Variants in FSTL4 observed in about 807,000 individuals in gnomAD.
FSTL4 encodes the protein follistatin-related protein 4.
FSTL4 carries 28 observed loss-of-function variants against 78.2 expected under a neutral mutation model. The observed-to-expected ratio is 0.36, with a 90% CI of 0.27 to 0.49. The LOEUF (loss-of-function observed/expected upper bound fraction) is 0.49. Ranked by LOEUF, FSTL4 falls within the 20% of genes least tolerant of loss-of-function variation. The pLI is 0.98. For synonymous variants in FSTL4, 422 were observed against 440.5 expected (o/e 0.96, Z 0.53); for missense variants, 922 against 1,084.9 (o/e 0.85, Z 2.11).
chr5:133,653,960 C>G, the FSTL4 span, among the ~76,000 whole-genome samples: 1 of 152,232 alleles, frequency 6.6e-6, no homozygotes. Flanking sequence ...TTCCTTCGTT[C>G]ATTTGCTCAT....
chr5:133,571,428 T>C (rs1190500069), intron 2 of FSTL4, among the ~76,000 whole-genome samples: 1 of 152,106 alleles, frequency 6.6e-6, no homozygotes, highest in Non-Finnish European at 1.5e-5. Context: ...ATGGCTAAAA[T>C]CCAAGAAAAC....
chr5:133,645,640 C>G, the FSTL4 span, among the ~76,000 whole-genome samples: 1 of 152,038 alleles, frequency 6.6e-6, no homozygotes, highest in Non-Finnish European at 1.5e-5. Context: ...ATGTGATTAA[C>G]GAGTTGGAGA....
At chr5:133,768,206 T>A in the FSTL4 span, among the ~76,000 whole-genome samples, 1 of 152,030 alleles carries the variant, frequency 6.6e-6, no homozygotes, top group African/African-American at 2.4e-5. Flanking sequence ...GAGCAGGGAG[T>A]GTACCCGGAG....
intron 3 of FSTL4, among the ~76,000 whole-genome samples, chr5:133,429,265 C>T (rs72787310): frequency 0.1 from 15,758 of 152,148 alleles, 1,026 homozygotes; most frequent in Non-Finnish European, 0.14. Flanking sequence ...CTGAGGATGA[C>T]GATGGCAATG....
intron 4 of FSTL4, among the ~76,000 whole-genome samples, chr5:133,398,165 G>A (rs745786303): frequency 2.2e-4 from 34 of 152,166 alleles, no homozygotes; most frequent in Non-Finnish European, 3.8e-4. Flanking sequence ...TCACCTCAGG[G>A]CTGGCCTGCC....
chr5:133,205,250 T>C (rs987124778), intron 14 of FSTL4, among the ~76,000 whole-genome samples: 4 of 152,208 alleles, frequency 2.6e-5, no homozygotes, highest in Non-Finnish European at 5.9e-5. Context: ...ACGTCCTACA[T>C]GTTTTCTCTT....
At chr5:133,241,134 A>G (rs73788011) in intron 7 of FSTL4, among the ~76,000 whole-genome samples, 1 of 152,186 alleles carries the variant, frequency 6.6e-6, no homozygotes, top group Middle Eastern at 3.2e-3. Context: ...GAGAACAGAG[A>G]TTCCACGTTT....
At chr5:133,308,803 G>T (rs866626350) in intron 6 of FSTL4, among the ~76,000 whole-genome samples, 1 of 152,128 alleles carries the variant, frequency 6.6e-6, no homozygotes. Context: ...GTGAGGAAGG[G>T]TGTCTGGCTC....
chr5:133,431,897 G>A (rs903524960), intron 3 of FSTL4, among the ~76,000 whole-genome samples: 1 of 151,998 alleles, frequency 6.6e-6, no homozygotes, highest in Non-Finnish European at 1.5e-5. Context: ...TTACAATAGT[G>A]ATACTAGCAT....
At chr5:133,628,342 G>GTTTCT in the FSTL4 span, among the ~76,000 whole-genome samples, 1,819 of 149,338 alleles carry the variant, frequency 0.012, 27 homozygotes, top group African/African-American at 0.028. Flanking sequence ...TTTTTTGTTT[G>GTTTCT]TTTCTTTTCT....
intron 4 of FSTL4, among the ~76,000 whole-genome samples, chr5:133,383,670 G>A (rs1292086830): frequency 6.6e-6 from 1 of 152,204 alleles, no homozygotes; most frequent in East Asian, 1.9e-4. Context: ...CTTATTAAGA[G>A]GCGGGTCTCC....
chr5:133,663,537 T>A, the FSTL4 span, among the ~76,000 whole-genome samples: 1 of 152,236 alleles, frequency 6.6e-6, no homozygotes, highest in African/African-American at 2.4e-5. Context: ...AACACGTGCC[T>A]CTTCACGTGC....
chr5:133,800,208 T>C, the FSTL4 span, among the ~76,000 whole-genome samples: 5 of 137,944 alleles, frequency 3.6e-5, 2 homozygotes, highest in African/African-American at 1.3e-4. Flanking sequence ...CTTCCAAATA[T>C]TGGGGGGCAG....
chr5:133,648,830 T>G, the FSTL4 span, among the ~76,000 whole-genome samples: 1 of 151,852 alleles, frequency 6.6e-6, no homozygotes, highest in Non-Finnish European at 1.5e-5. Flanking sequence ...CCCACAAGAG[T>G]GGGACATTGG....
At chr5:133,364,701 G>A (rs1755144467) in intron 4 of FSTL4, among the ~76,000 whole-genome samples, 1 of 151,958 alleles carries the variant, frequency 6.6e-6, no homozygotes, top group African/African-American at 2.4e-5. Context: ...ATGGATTTTT[G>A]TGCTCAGCCC....
At chr5:133,719,863 G>T in the FSTL4 span, among the ~76,000 whole-genome samples, 1 of 152,070 alleles carries the variant, frequency 6.6e-6, no homozygotes, top group Non-Finnish European at 1.5e-5. Context: ...GTATTCATGA[G>T]CTTTGGAAAT....
In FSTL4 at chr5:133,508,237, AT is replaced by A. The variant is rs1295866180; in HGVS notation, c.160+58948del. Among the ~76,000 whole-genome samples the A allele has an allele frequency of 3.3e-5, 5 of 152,300 alleles. No homozygotes were observed. The East Asian group carries it at 9.7e-4, about 29-fold the overall frequency. ...CTGGCACTCAGCAAGCATGCAGTGA[AT>A]GTTAGCTAACTGTTATTAACTATTA... On this transcript the variant is annotated intron_variant, in intron 3 of 15. Transcript: ENST00000265342.
At chr5:133,764,900 C>T in the FSTL4 span, among the ~76,000 whole-genome samples, 1 of 152,024 alleles carries the variant, frequency 6.6e-6, no homozygotes, top group Non-Finnish European at 1.5e-5. Context: ...GAACTAACTG[C>T]CCTGTGGGAT....
At chr5:133,559,708 C>A (rs749899161) in intron 3 of FSTL4, among the ~76,000 whole-genome samples, 10 of 152,228 alleles carry the variant, frequency 6.6e-5, no homozygotes, top group Non-Finnish European at 1.0e-4. Context: ...CCTGCCCACA[C>A]CGACCTATAG....
Sources: allele counts gnomAD v4.1 joint callset (sites outside exome capture counted in the v4.1 genomes callset), GRCh38; gene constraint gnomAD v4.1.1; transcripts MANE v1.5; gene names NCBI Gene and HGNC (gene_info 2026-07-23, HGNC 2026-07-21).